PALM2AKAP2: variants seen among roughly 807,000 people sequenced by gnomAD.
PALM2AKAP2 encodes PALM2-AKAP2 fusion protein.
Under a neutral mutation model 71.5 loss-of-function variants are expected in PALM2AKAP2, and 37 were observed. The observed-to-expected ratio is 0.52, with a 90% confidence interval of 0.40 to 0.68. The LOEUF is 0.68. Ranked by LOEUF, PALM2AKAP2 falls within the 30% of genes least tolerant of loss-of-function variation. The pLI, the probability that PALM2AKAP2 is intolerant of heterozygous loss-of-function variation, is 0.00. For synonymous variants in PALM2AKAP2, 468 were observed against 478.8 expected (o/e 0.98, Z 0.29); for missense variants, 1,224 against 1,191.8 (o/e 1.03, Z -0.40).
intron 1 of PALM2AKAP2, among the ~76,000 whole-genome samples, chr9:109,691,174 TACACAC>T (rs56966509): frequency 1.1e-4 from 16 of 147,564 alleles, no homozygotes; most frequent in South Asian, 6.6e-4. Context: ...CTTTGAATTT[TACACAC>T]ACACACACAC....
At chr9:109,876,881 G>A in intron 2 of PALM2AKAP2, among the ~76,000 whole-genome samples, 1 of 131,448 alleles carries the variant, frequency 7.6e-6, no homozygotes, top group East Asian at 2.2e-4. Context: ...TGGAAGTAGA[G>A]GGACATGCAC....
intron 1 of PALM2AKAP2, among the ~76,000 whole-genome samples, chr9:109,805,878 T>C (rs559251142): frequency 1.3e-5 from 2 of 152,344 alleles, no homozygotes; most frequent in Non-Finnish European, 2.9e-5. Context: ...TGTTCTGATG[T>C]TGCTTCAGAT....
intron 1 of PALM2AKAP2, among the ~76,000 whole-genome samples, chr9:109,751,062 T>C (rs1828880828): frequency 6.6e-6 from 1 of 152,154 alleles, no homozygotes; most frequent in Admixed American, 6.5e-5. Context: ...CATGTGAGTC[T>C]TTCAAAATAT....
At chr9:109,821,356 AAAT>A (rs963299992) in intron 1 of PALM2AKAP2, among the ~76,000 whole-genome samples, 1 of 152,172 alleles carries the variant, frequency 6.6e-6, no homozygotes, top group African/African-American at 2.4e-5. Flanking sequence ...AACAACAACA[AAAT>A]AATAATAATA....
At chr9:110,090,003 C>G (rs956707539) in intron 1 of PALM2AKAP2, among the ~76,000 whole-genome samples, 1 of 152,196 alleles carries the variant, frequency 6.6e-6, no homozygotes, top group Non-Finnish European at 1.5e-5. Flanking sequence ...CAAGTAACAG[C>G]TAGTATTTGT....
intron 6 of PALM2AKAP2, among the ~76,000 whole-genome samples, chr9:110,001,028 T>C (rs1286310601): frequency 6.6e-6 from 1 of 152,226 alleles, no homozygotes; most frequent in Non-Finnish European, 1.5e-5. Flanking sequence ...TTAGATCCCA[T>C]TTGTCAATTT....
At chr9:109,917,079 A>T (rs1830711084) in intron 3 of PALM2AKAP2, among the ~76,000 whole-genome samples, 1 of 152,198 alleles carries the variant, frequency 6.6e-6, no homozygotes, top group African/African-American at 2.4e-5. Flanking sequence ...TAACCACAAG[A>T]TCCTTAAATG....
intron 6 of PALM2AKAP2, among the ~76,000 whole-genome samples, chr9:109,984,867 T>A (rs1023684349): frequency 6.6e-6 from 1 of 151,674 alleles, no homozygotes; most frequent in African/African-American, 2.4e-5. Flanking sequence ...AGCCACACCC[T>A]GTCTCTTAGA....
chr9:109,831,364 C>T (rs925482265), intron 1 of PALM2AKAP2, among the ~76,000 whole-genome samples: 6 of 152,156 alleles, frequency 3.9e-5, no homozygotes, highest in Non-Finnish European at 8.8e-5. Context: ...TCTCACAGTT[C>T]TGGCACAGGG....
At chr9:109,953,180 A>G (rs889068981) in intron 6 of PALM2AKAP2, among the ~76,000 whole-genome samples, 6 of 152,166 alleles carry the variant, frequency 3.9e-5, no homozygotes, top group Admixed American at 3.3e-4. Context: ...TCATAATTCG[A>G]TTCTGGGGAT....
intron 7 of PALM2AKAP2, among the ~76,000 whole-genome samples, chr9:110,019,882 C>G (rs113507000): frequency 3.9e-5 from 6 of 152,132 alleles, no homozygotes; most frequent in Non-Finnish European, 7.4e-5. Flanking sequence ...AAGTCCAAAT[C>G]CCAGCATTAC....
chr9:109,677,904 G>A (rs993833185), intron 1 of PALM2AKAP2, among the ~76,000 whole-genome samples: 8 of 152,104 alleles, frequency 5.3e-5, no homozygotes, highest in African/African-American at 1.9e-4. Flanking sequence ...CAAGACAAAT[G>A]GGAAATTAAG....
At chr9:110,020,828 G>A (rs1173474067) in intron 7 of PALM2AKAP2, among the ~76,000 whole-genome samples, 1 of 152,030 alleles carries the variant, frequency 6.6e-6, no homozygotes, top group Non-Finnish European at 1.5e-5. Context: ...TAACAATCTT[G>A]GCTGGGCACG....
chr9:110,135,164 A>AAAAAAAAAATATATATATAT lies in PALM2AKAP2; in HGVS notation c.157-962_157-961insAAAAAAAATATATATATATA. On this transcript the variant is annotated intron_variant, in intron 1 of 3. Transcript: ENST00000374525. The stretch of plus-strand genomic sequence containing the variant: ...AACTCTGTCTCTACAAAAAAAAAAA[A>AAAAAAAAAATATATATATAT]ATATATAAATATATATATATATATA... 1.4e-4 allele frequency among the ~76,000 whole-genome samples: 7 copies of AAAAAAAAAATATATATATAT among 51,716 alleles called. No individual in the cohort carries two copies. In the South Asian group the frequency reaches 3.0e-3, roughly 22 times the overall value. 33.9% of individuals were successfully genotyped at this position (51,716 alleles called of 152,430 possible).
chr9:110,149,470 A>G (rs1397605162), intron 2 of PALM2AKAP2, among the ~76,000 whole-genome samples: 2 of 152,358 alleles, frequency 1.3e-5, no homozygotes, highest in East Asian at 3.9e-4. Context: ...TTTTAAAATT[A>G]ATTTGTGCTG....
chr9:110,136,502 G>A (rs140910746), exon 2 of PALM2AKAP2: 9 of 1,613,870 alleles, frequency 5.6e-6, no homozygotes, highest in Non-Finnish European at 7.6e-6. Flanking sequence ...TCTGGTGGGC[G>A]GCCTAAGCCC....
At chr9:110,162,230 A>C in intron 3 of PALM2AKAP2, 98 bp downstream of exon 10, 1 of 1,530,266 alleles carries the variant, frequency 6.5e-7, no homozygotes, top group Non-Finnish European at 9.0e-7. Flanking sequence ...CGAAAATGGC[A>C]AGAAAAATGA....
intron 7 of PALM2AKAP2, among the ~76,000 whole-genome samples, chr9:110,039,203 C>T (rs545146192): frequency 2.0e-4 from 30 of 152,228 alleles, no homozygotes; most frequent in Admixed American, 3.9e-4. Context: ...GAGCCATGAT[C>T]ATGCTACTGC....
chr9:110,007,995 G>A (rs1431676915), intron 6 of PALM2AKAP2, among the ~76,000 whole-genome samples: 1 of 152,204 alleles, frequency 6.6e-6, no homozygotes, highest in Non-Finnish European at 1.5e-5. Context: ...GTGTGAGGCA[G>A]GACCCCTTCT....
Sources: gnomAD v4.1 joint callset for allele counts (sites outside exome capture counted in the v4.1 genomes callset) on GRCh38, gnomAD v4.1.1 for gene constraint, MANE v1.5 for transcripts, NCBI Gene and HGNC (gene_info 2026-07-23, HGNC 2026-07-21) for gene names.